DNAAF4: variants seen among roughly 807,000 people sequenced by gnomAD.
DNAAF4 encodes the protein dynein axonemal assembly factor 4, also known as dynein assembly factor 4, axonemal.
Under a neutral mutation model 51.8 loss-of-function variants are expected in DNAAF4, and 43 were observed. The ratio of observed to expected loss-of-function variants is 0.83; its 90% CI spans 0.65 to 1.07. DNAAF4 has a LOEUF of 1.07. DNAAF4 is among the 50% of genes least tolerant of loss of function. The pLI is 0.00. For synonymous variants in DNAAF4, 194 were observed against 165.6 expected, an observed-to-expected ratio of 1.17 and a Z score of -1.32; for missense variants, 581 against 493.0, an observed-to-expected ratio of 1.18 and a Z score of -1.69.
At chr15:55,450,469 A>C in intron 5 of DNAAF4, 102 bp from the exon 6 acceptor site, 2 of 1,268,312 alleles carry the variant, frequency 1.6e-6, no homozygotes, top group Non-Finnish European at 1.1e-6. Flanking sequence ...CCAAATCCTA[A>C]ACAAATAAAT....
At chr15:55,480,827 G>C (rs576592638) in intron 4 of DNAAF4, among the ~76,000 whole-genome samples, 1 of 152,272 alleles carries the variant, frequency 6.6e-6, no homozygotes, top group African/African-American at 2.4e-5. Context: ...TTACAAAACA[G>C]AAGAGGACTG....
At chr15:55,500,938 G>A (rs1432098068) in intron 1 of DNAAF4, among the ~76,000 whole-genome samples, 5 of 145,090 alleles carry the variant, frequency 3.4e-5, no homozygotes, top group Non-Finnish European at 6.0e-5. Flanking sequence ...GTTGCCATGA[G>A]CTGAGAGCGT....
intron 4 of DNAAF4, among the ~76,000 whole-genome samples, chr15:55,484,463 C>T (rs1400526073): frequency 7.1e-6 from 1 of 141,448 alleles, no homozygotes; most frequent in African/African-American, 2.6e-5. Flanking sequence ...CCAGCCTGGG[C>T]AACAGAGTGA....
chr15:55,456,889 C>A (rs1205173034), intron 5 of DNAAF4, among the ~76,000 whole-genome samples: 2 of 152,194 alleles, frequency 1.3e-5, no homozygotes, highest in African/African-American at 2.4e-5. Flanking sequence ...TCCAAGGAAG[C>A]CATTCCTGGC....
chr15:55,421,642 T>G (rs1051291560), intron 7 of DNAAF4, among the ~76,000 whole-genome samples: 1 of 151,952 alleles, frequency 6.6e-6, no homozygotes, highest in Non-Finnish European at 1.5e-5. Flanking sequence ...ATCCCAGTAC[T>G]TCGGGAGGCT....
At chr15:55,500,581 A>C (rs1038172398) in intron 1 of DNAAF4, among the ~76,000 whole-genome samples, 6 of 152,230 alleles carry the variant, frequency 3.9e-5, no homozygotes, top group African/African-American at 1.4e-4. Flanking sequence ...CGGGGATTTC[A>C]GGAAAATCTG....
At chr15:55,440,198 G>A (rs759017859) in intron 6 of DNAAF4, among the ~76,000 whole-genome samples, 13 of 150,176 alleles carry the variant, frequency 8.7e-5, no homozygotes, top group East Asian at 2.0e-4. Context: ...GATTACAGGC[G>A]TGTGCCACCA....
chr15:55,459,852 C>T (rs896859906), intron 5 of DNAAF4, among the ~76,000 whole-genome samples: 6 of 151,866 alleles, frequency 4.0e-5, no homozygotes, highest in East Asian at 1.9e-4. Context: ...TACAGGCACG[C>T]GCCACCACGC....
intron 6 of DNAAF4, chr15:55,443,388 A>C: frequency 3.2e-6 from 2 of 633,208 alleles, no homozygotes; most frequent in Non-Finnish European, 5.5e-6. Context: ...GTGGGGCCGC[A>C]CTTGCTCTAG....
chr15:55,442,429 C>T (rs1363591297), intron 6 of DNAAF4, among the ~76,000 whole-genome samples: 2 of 152,126 alleles, frequency 1.3e-5, no homozygotes, highest in South Asian at 4.1e-4. Flanking sequence ...TGAGAGTTGT[C>T]GAAATGCTCG....
intron 4 of DNAAF4, among the ~76,000 whole-genome samples, chr15:55,479,528 G>A (rs1032859617): frequency 9.2e-5 from 14 of 151,966 alleles, no homozygotes; most frequent in African/African-American, 2.9e-4. Context: ...GAAAAAGAAC[G>A]GAATAATAGC....
At chr15:55,465,843 G>T (rs1341662371) in intron 5 of DNAAF4, among the ~76,000 whole-genome samples, 1 of 152,104 alleles carries the variant, frequency 6.6e-6, no homozygotes, top group Non-Finnish European at 1.5e-5. Context: ...TAGGATTACA[G>T]GCATGAGCCA....
chr15:55,498,790 AG>A lies in DNAAF4; in HGVS notation c.-255-207del, dbSNP rs535979624. ...CGTGGTGGTGCATGCCTGTAATCTCAGCTACTCTGGAGGCTGAGGCTGAGGC... is the reference window on the plus strand; with the variant it reads ...CGTGGTGGTGCATGCCTGTAATCTCACTACTCTGGAGGCTGAGGCTGAGGC... On this transcript the variant is annotated intron_variant, in intron 1 of 9. Coordinates refer to ENST00000321149, the MANE Select transcript of DNAAF4 (RefSeq NM_130810.4). 0.011 allele frequency among the ~76,000 whole-genome samples: 1,671 copies of A among 151,690 alleles called. 12 individuals carry two copies. Among genetic ancestry groups the A allele is most frequent in the Non-Finnish European group, 0.017 (1,124 of 67,910 alleles).
chr15:55,426,417 A>G (rs550252854), downstream of DNAAF4, among the ~76,000 whole-genome samples: 3 of 152,322 alleles, frequency 2.0e-5, no homozygotes, highest in Non-Finnish European at 4.4e-5. Context: ...ACTATAATCT[A>G]TAAACTAAGT....
chr15:55,484,697 A>G (rs1241498031), intron 4 of DNAAF4, among the ~76,000 whole-genome samples: 1 of 152,162 alleles, frequency 6.6e-6, no homozygotes, highest in Non-Finnish European at 1.5e-5. Flanking sequence ...CACAATCACA[A>G]GGTATCACAA....
At chr15:55,432,694 C>G in intron 8 of DNAAF4, 92 bp from the exon 9 acceptor site, 2 of 1,168,168 alleles carry the variant, frequency 1.7e-6, no homozygotes, top group South Asian at 1.5e-5. Flanking sequence ...GCCTGTAATC[C>G]CAACACTTGG....
At chr15:55,443,941 T>C (rs1200492183) in intron 6 of DNAAF4, among the ~76,000 whole-genome samples, 2 of 152,112 alleles carry the variant, frequency 1.3e-5, no homozygotes, top group Non-Finnish European at 2.9e-5. Context: ...TTCTGGATAT[T>C]AGCCCTTCGT....
At position 55,443,304 on chromosome 15, in the gene DNAAF4, C is replaced by T. The variant is rs547141309; in HGVS notation, c.784-3723G>A. The T allele has an allele frequency of 5.9e-5, 82 of 1,387,492 alleles. No individual in the cohort carries two copies. In the East Asian group the frequency reaches 6.3e-4, roughly 11 times the overall value. The allele number at this position is 1,387,492 out of a possible 1,614,324, so 85.9% of individuals were successfully genotyped here. ...CCGGCAGGCGCCTGCCTACCGGTGG[C>T]GGCTGGCAAAGGGCCCCCAGCGTGC... On this transcript the variant is annotated intron_variant, in intron 6 of 9. Transcript: ENST00000321149.
chr15:55,497,457 G>A (rs147950047), intron 3 of DNAAF4, among the ~76,000 whole-genome samples: 30 of 152,008 alleles, frequency 2.0e-4, no homozygotes, highest in East Asian at 7.8e-4. Context: ...AAATTTAGCC[G>A]GGCGTGGTGG....
Sources: allele counts gnomAD v4.1 joint callset (sites outside exome capture counted in the v4.1 genomes callset), GRCh38; gene constraint gnomAD v4.1.1; transcripts MANE v1.5; gene names NCBI Gene and HGNC (gene_info 2026-07-23, HGNC 2026-07-21).